Variants in RGS20 observed in about 807,000 individuals in gnomAD.
RGS20 encodes the protein regulator of G protein signaling 20.
RGS20 carries 30 observed loss-of-function variants against 33.6 expected under a neutral mutation model. The observed-to-expected ratio is 0.89, with a 90% confidence interval of 0.67 to 1.21. The LOEUF (loss-of-function observed/expected upper bound fraction) is 1.21, where lower values mean the gene tolerates loss of function less well. RGS20 is among the 50% of genes most tolerant of loss of function. The pLI, the probability that RGS20 is intolerant of heterozygous loss-of-function variation, is 0.00. For synonymous variants in RGS20, 208 were observed against 197.9 expected, an observed-to-expected ratio of 1.05 and a Z score of -0.43; for missense variants, 472 against 502.4, an observed-to-expected ratio of 0.94 and a Z score of 0.58.
intron 2 of RGS20, among the ~76,000 whole-genome samples, chr8:53,915,043 G>T (rs910088658): frequency 6.6e-6 from 1 of 152,002 alleles, no homozygotes; most frequent in Admixed American, 6.6e-5. Context: ...TACTTGAGAG[G>T]CTGAGGCAGG....
chr8:53,913,166 A>G (rs1196092699), intron 2 of RGS20, among the ~76,000 whole-genome samples: 1 of 152,038 alleles, frequency 6.6e-6, no homozygotes, highest in Non-Finnish European at 1.5e-5. Context: ...GGGTTTCTCC[A>G]TGTTAGTCAG....
chr8:53,857,919 T>C (rs1811714825), intron 1 of RGS20, among the ~76,000 whole-genome samples: 1 of 152,020 alleles, frequency 6.6e-6, no homozygotes, highest in Non-Finnish European at 1.5e-5. Context: ...ATAGATGAGA[T>C]GATGGATATG....
intron 2 of RGS20, among the ~76,000 whole-genome samples, chr8:53,919,549 T>C (rs1281313898): frequency 1.3e-5 from 2 of 152,086 alleles, no homozygotes; most frequent in African/African-American, 4.8e-5. Context: ...TTTCACCATG[T>C]TGATCATGCT....
rs563641368 is a variant in RGS20 at position 53,931,379 on chromosome 8, AC to A, written c.511-8193del. Among the ~76,000 whole-genome samples, 162 of 152,234 alleles carry A rather than the reference AC, an allele frequency of 1.1e-3. 1 individual carries two copies. Among genetic ancestry groups the A allele is most frequent in the African/African-American group, 3.7e-3 (155 of 41,536 alleles). Reference sequence around the variant, plus strand: ...CGACCAGCTTGGCCAACATGGTGAAACCCCATCTCTACTAAAAATACAAAAA... The same window carrying A: ...CGACCAGCTTGGCCAACATGGTGAAACCCATCTCTACTAAAAATACAAAAA... On this transcript the variant is annotated intron_variant, in intron 2 of 5. Coordinates refer to ENST00000297313, the MANE Select transcript of RGS20 (RefSeq NM_170587.4).
rs148624224 is a variant in RGS20 at position 53,854,009 on chromosome 8, G to A, written c.165+1945G>A. On this transcript the variant is annotated intron_variant, in intron 1 of 5. Transcript: ENST00000297313. ...AACGTGAGCTAAAATGTATCTAGAC[G>A]TCAAGGGGTCAGTCAGAAATTCTCC... Among the ~76,000 whole-genome samples the A allele has an allele frequency of 2.0e-3, 302 of 152,104 alleles. 2 individuals carry two copies. Among genetic ancestry groups the A allele is most frequent in the African/African-American group, 6.6e-3 (275 of 41,528 alleles).
chr8:53,878,415 A>C (rs1366946000), intron 1 of RGS20, among the ~76,000 whole-genome samples: 5 of 151,854 alleles, frequency 3.3e-5, no homozygotes, highest in Admixed American at 3.3e-4. Context: ...TCTGACTTCT[A>C]AACTAGTGCT....
At chr8:53,895,560 G>T (rs141782084) in intron 2 of RGS20, among the ~76,000 whole-genome samples, 1 of 152,162 alleles carries the variant, frequency 6.6e-6, no homozygotes, top group African/African-American at 2.4e-5. Context: ...TTTATGACAG[G>T]GGTCAGCAAA....
intron 2 of RGS20, among the ~76,000 whole-genome samples, chr8:53,882,643 CA>C (rs34390232): frequency 0.028 from 2,891 of 103,374 alleles, 51 homozygotes; most frequent in African/African-American, 0.054. Flanking sequence ...GACTCCGTCT[CA>C]AAAAAAAAAA....
intron 2 of RGS20, among the ~76,000 whole-genome samples, chr8:53,932,377 C>T (rs1178517361): frequency 1.3e-5 from 2 of 152,178 alleles, no homozygotes; most frequent in African/African-American, 2.4e-5. Flanking sequence ...GATCCAATGG[C>T]TTGAAATCCT....
intron 2 of RGS20, among the ~76,000 whole-genome samples, chr8:53,898,362 T>C (rs1334888520): frequency 1.3e-5 from 2 of 151,810 alleles, no homozygotes; most frequent in African/African-American, 4.8e-5. Flanking sequence ...ACAGAAGGAG[T>C]GTTACCCTTT....
chr8:53,938,374 G>A (rs968209216), intron 2 of RGS20, among the ~76,000 whole-genome samples: 4 of 152,076 alleles, frequency 2.6e-5, no homozygotes, highest in African/African-American at 9.7e-5. Flanking sequence ...CACACACTGG[G>A]GCCTGTCAGT....
chr8:53,955,096 G>A (rs1814828942), intron 5 of RGS20, among the ~76,000 whole-genome samples: 1 of 151,204 alleles, frequency 6.6e-6, no homozygotes, highest in Non-Finnish European at 1.5e-5. Context: ...TGAATACCGT[G>A]AATGCGGGTG....
chr8:53,939,985 G>T (rs183319135), intron 3 of RGS20, among the ~76,000 whole-genome samples: 1 of 152,242 alleles, frequency 6.6e-6, no homozygotes, highest in Admixed American at 6.5e-5. Context: ...AACCTCAGGC[G>T]GTTCACGATT....
intron 2 of RGS20, among the ~76,000 whole-genome samples, chr8:53,887,430 A>G (rs1274392441): frequency 6.6e-6 from 1 of 151,950 alleles, no homozygotes; most frequent in East Asian, 1.9e-4. Flanking sequence ...CAAGGGTTCA[A>G]CCTCTAGGGT....
At chr8:53,942,010 ACGCC>A (rs1814311409) in intron 3 of RGS20, among the ~76,000 whole-genome samples, 2 of 152,208 alleles carry the variant, frequency 1.3e-5, no homozygotes, top group Non-Finnish European at 2.9e-5. Flanking sequence ...GCGGTGGCTC[ACGCC>A]TGTAATCCCA....
intron 1 of RGS20, among the ~76,000 whole-genome samples, chr8:53,867,706 T>C (rs868547297): frequency 7.5e-4 from 90 of 120,626 alleles, no homozygotes; most frequent in Middle Eastern, 4.2e-3. Flanking sequence ...TTCCTTCCTT[T>C]CTTTGTTTCT....
Position 53,879,485 on chromosome 8 carries a change from C to A in RGS20, c.393C>A (p.Leu131=), listed in dbSNP as rs61754068. The change falls in exon 2 of 6, where the codon CTC becomes CTA. Residue 131 remains leucine (L), a synonymous_variant. Transcript: ENST00000297313. ...TGCCGGGCCGCCTCTCGCTCCTGCTCGGGGCGGCGCTGGCACTGCCCGGCC... is the reference window on the plus strand; with the variant it reads ...TGCCGGGCCGCCTCTCGCTCCTGCTAGGGGCGGCGCTGGCACTGCCCGGCC... The A allele has an allele frequency of 4.5e-3, 7,013 of 1,565,276 alleles. 267 individuals are homozygous for A. The African/African-American group carries it at 0.082, about 18-fold the overall frequency.
intron 2 of RGS20, among the ~76,000 whole-genome samples, chr8:53,895,071 CAA>C (rs1205508268): frequency 6.6e-6 from 1 of 152,006 alleles, no homozygotes; most frequent in Admixed American, 6.5e-5. Context: ...GCCATCGAGA[CAA>C]GAGATGGGGC....
chr8:53,908,421 C>T (rs571197366), intron 2 of RGS20, among the ~76,000 whole-genome samples: 12 of 152,254 alleles, frequency 7.9e-5, no homozygotes, highest in African/African-American at 2.9e-4. Context: ...GAGTTGATTA[C>T]TTGAGCCCAG....
Sources: gnomAD v4.1 joint callset for allele counts (sites outside exome capture counted in the v4.1 genomes callset) on GRCh38, gnomAD v4.1.1 for gene constraint, MANE v1.5 for transcripts, NCBI Gene and HGNC (gene_info 2026-07-23, HGNC 2026-07-21) for gene names.